LYST: variants seen among roughly 807,000 people sequenced by gnomAD.
The protein encoded by LYST is lysosomal trafficking regulator, also known as lysosomal-trafficking regulator.
Under a neutral mutation model 413.6 loss-of-function variants are expected in LYST, and 192 were observed. The observed-to-expected ratio is 0.46, with a 90% CI of 0.41 to 0.52. The LOEUF (loss-of-function observed/expected upper bound fraction) is 0.52. LYST is among the 20% of genes least tolerant of loss of function. The pLI is 0.00. For synonymous variants in LYST, 1,525 were observed against 1,567.3 expected (o/e 0.97, Z 0.64); for missense variants, 3,815 against 4,499.9 (o/e 0.85, Z 4.35).
At chr1:235,876,670 T>A (rs1367397831) in intron 1 of LYST, among the ~76,000 whole-genome samples, 1 of 152,192 alleles carries the variant, frequency 6.6e-6, no homozygotes, top group African/African-American at 2.4e-5. Context: ...GACATCCTGT[T>A]TGTTAGTAAA....
At position 235,677,503 on chromosome 1, in the gene LYST, GGTTCCGTC is replaced by G; in HGVS notation, c.10909_10916del (p.Asp3637LeufsTer29). 1 of 1,613,720 alleles carries G rather than the reference GGTTCCGTC, an allele frequency of 6.2e-7. No individual in the cohort carries two copies. The highest frequency in any genetic ancestry group is 8.5e-7 in the Non-Finnish European group (1 of 1,179,790). Reference sequence around the variant, plus strand: ...ACCTGTTTAAATCCCATATGATGCAGGTTCCGTCTCTGCTCACACTTATCAGTATACTG... The same window carrying G: ...ACCTGTTTAAATCCCATATGATGCAGTCTGCTCACACTTATCAGTATACTG... On this transcript the variant is annotated frameshift_variant, in exon 49 of 53. Transcript: ENST00000389793. LOFTEE classifies it high-confidence loss of function.
chr1:235,684,458 G>C (rs948981168), intron 48 of LYST, among the ~76,000 whole-genome samples: 16 of 152,200 alleles, frequency 1.1e-4, no homozygotes, highest in African/African-American at 3.6e-4. Context: ...TCGATTTGTA[G>C]GGGAAGTCAG....
intron 20 of LYST, among the ~76,000 whole-genome samples, chr1:235,769,659 TTAAC>T (rs942441599): frequency 5.9e-5 from 9 of 151,910 alleles, no homozygotes; most frequent in Non-Finnish European, 1.3e-4. Flanking sequence ...GAGAAAAAAA[TTAAC>T]TAAAAGGGCC....
At chr1:235,717,531 A>C (rs548974489) in intron 40 of LYST, among the ~76,000 whole-genome samples, 1 of 152,138 alleles carries the variant, frequency 6.6e-6, no homozygotes, top group Non-Finnish European at 1.5e-5. Flanking sequence ...TTGAAGGAGC[A>C]AAAGAAAAAG....
At chr1:235,673,462 T>C (rs944592244) in intron 50 of LYST, among the ~76,000 whole-genome samples, 2 of 152,128 alleles carry the variant, frequency 1.3e-5, no homozygotes, top group African/African-American at 4.8e-5. Context: ...ATGTTCTCAA[T>C]GGGCATATGT....
At chr1:235,840,291 G>C (rs1001174641) in intron 1 of LYST, 1 of 152,224 alleles carries the variant, frequency 6.6e-6, no homozygotes, top group African/African-American at 2.4e-5. Flanking sequence ...ACAGGTAAAG[G>C]GAGAAAAGAA....
intron 1 of LYST, among the ~76,000 whole-genome samples, chr1:235,861,600 C>T (rs946472121): frequency 6.6e-6 from 1 of 152,128 alleles, no homozygotes; most frequent in African/African-American, 2.4e-5. Flanking sequence ...TAGCTTATTT[C>T]CTGGTTCTTA....
At chr1:235,717,658 T>C (rs544441338) in intron 40 of LYST, among the ~76,000 whole-genome samples, 24 of 152,216 alleles carry the variant, frequency 1.6e-4, no homozygotes, top group African/African-American at 5.5e-4. Context: ...AAGATTTGCC[T>C]ACATTTCAGT....
rs1196370967 is a variant in LYST at position 235,809,521 on chromosome 1, C to G, written c.1297G>C (p.Val433Leu). The G allele has an allele frequency of 6.2e-7, 1 of 1,613,898 alleles. No homozygotes were observed. The highest frequency in any genetic ancestry group is 1.3e-5 in the African/African-American group (1 of 74,884). The stretch of plus-strand genomic sequence containing the variant: ...CCATGATGCTGAATGAATTCTTGAA[C>G]CAAATCCATGGCTTGACTGAAGTAG... ...PFYFSQAMDL[V>L]QEFIQHHGFN... Residue 433 changes from valine to leucine, a missense_variant, in exon 5 of 53, where the codon GTT (valine) becomes CTT (leucine). Transcript: ENST00000389793. This position sits in a 1 kb window ranked among gnomAD's most constrained non-coding sequence, Gnocchi z 4.0.
At chr1:235,876,198 G>C (rs1343791787) in intron 1 of LYST, among the ~76,000 whole-genome samples, 1 of 152,008 alleles carries the variant, frequency 6.6e-6, no homozygotes, top group Non-Finnish European at 1.5e-5. Context: ...CTCCATCCTG[G>C]GTGACAGAGT....
At position 235,810,124 on chromosome 1, in the gene LYST, C is replaced by T. The variant is rs1673306733; in HGVS notation, c.694G>A (p.Gly232Arg). 11 of 1,614,142 alleles carry T rather than the reference C, an allele frequency of 6.8e-6. No individual in the cohort carries two copies. Among genetic ancestry groups the T allele is most frequent in the Non-Finnish European group, 9.3e-6 (11 of 1,180,000 alleles). Reference protein sequence around the residue: ...ENSREIIPRQGSNTDILSEPA... With the variant: ...ENSREIIPRQRSNTDILSEPA... ...TCACTTAAAATGTCAGTGTTTGACC[C>T]CTGTCTTGGAATAATCTCTCTGGAA... Residue 232 changes from glycine (G) to arginine (R), a missense_variant, in exon 5 of 53, where the codon GGG (glycine) becomes AGG (arginine). Coordinates refer to ENST00000389793, the MANE Select transcript of LYST (RefSeq NM_000081.4).
chr1:235,787,539 A>G lies in LYST; in HGVS notation c.4689-166T>C, dbSNP rs115189647. Among the ~76,000 whole-genome samples the G allele has an allele frequency of 2.9e-3, 436 of 152,288 alleles. 2 individuals are homozygous for G. Among genetic ancestry groups the G allele is most frequent in the African/African-American group, 9.8e-3 (406 of 41,554 alleles). On this transcript the variant is annotated intron_variant, in intron 13 of 52. Coordinates refer to ENST00000389793, the MANE Select transcript of LYST (RefSeq NM_000081.4). ...AGGTCTTCGTTTTATACCATAAGTT[A>G]CTTAGTTATTCTATCATTACCTCAA...
chr1:235,802,771 T>TG, intron 8 of LYST, 137 bp downstream of exon 8: 1 of 768,686 alleles, frequency 1.3e-6, no homozygotes, highest in Non-Finnish European at 2.2e-6. Context: ...GTTGGGAAGA[T>TG]CAATAAAAAG....
In LYST at chr1:235,693,501, G is replaced by C. The variant is rs1660838867; in HGVS notation, c.10565-15C>G. The C allele has an allele frequency of 1.2e-6, 2 of 1,613,890 alleles. No individual in the cohort carries two copies. Among genetic ancestry groups the C allele is most frequent in the Non-Finnish European group, 1.7e-6 (2 of 1,179,974 alleles). ...GCTTCTCACACCTCAAGGAGAAGGA[G>C]AAAGAAAAGTATCAGATTGTCACTG... On this transcript the variant is annotated splice_polypyrimidine_tract_variant and intron_variant, in intron 46 of 52. Coordinates refer to ENST00000389793, the MANE Select transcript of LYST (RefSeq NM_000081.4).
intron 22 of LYST, among the ~76,000 whole-genome samples, 180 bp from the exon 23 acceptor site, chr1:235,759,779 G>A (rs551982037): frequency 1.3e-5 from 2 of 151,608 alleles, no homozygotes; most frequent in African/African-American, 4.8e-5. Flanking sequence ...TAAGAGACAG[G>A]GTCTTGCTCT....
At chr1:235,769,433 A>G (rs1411325597) in intron 20 of LYST, among the ~76,000 whole-genome samples, 1 of 152,046 alleles carries the variant, frequency 6.6e-6, no homozygotes, top group Non-Finnish European at 1.5e-5. Context: ...GCCCAACTAT[A>G]ATGAAAAGCC....
At chr1:235,748,546 G>A (rs1334274046) in intron 28 of LYST, among the ~76,000 whole-genome samples, 1 of 151,978 alleles carries the variant, frequency 6.6e-6, no homozygotes, top group African/African-American at 2.4e-5. Flanking sequence ...TAAACAGTAG[G>A]TAGAGCATGA....
chr1:235,830,368 T>C lies in LYST; in HGVS notation c.50A>G (p.Asn17Ser), dbSNP rs1177000208. 6.8e-6 allele frequency: 11 copies of C among 1,613,916 alleles called. No individual in the cohort carries two copies. The highest frequency in any genetic ancestry group is 9.3e-6 in the Non-Finnish European group (11 of 1,179,936). Reference sequence around the variant, plus strand: ...CTGGACCACTGCATTGCAAAGCCGGTTGACATCGGTCAGAAATTCACGTGC... The same window carrying C: ...CTGGACCACTGCATTGCAAAGCCGGCTGACATCGGTCAGAAATTCACGTGC... ...SLAREFLTDV[N>S]RLCNAVVQRV... Residue 17 changes from asparagine (N) to serine (S), a missense_variant, in exon 3 of 53, where the codon AAC (asparagine) becomes AGC (serine). This residue lies in a region of LYST where 1,648 missense variants were observed against 1,810.3 expected (regional missense o/e 0.91). Transcript: ENST00000389793.
chr1:235,681,158 C>T (rs1037694386), intron 48 of LYST, among the ~76,000 whole-genome samples: 1 of 152,018 alleles, frequency 6.6e-6, no homozygotes, highest in African/African-American at 2.4e-5. Flanking sequence ...AGGAGGATTC[C>T]CTGGAAGACG....
Sources: gnomAD v4.1 joint callset for allele counts (sites outside exome capture counted in the v4.1 genomes callset) on GRCh38, gnomAD v4.1.1 for gene constraint, gnomAD v4.1.1 regional missense constraint, Gnocchi (gnomAD v3.1) non-coding constraint, MANE v1.5 for transcripts, NCBI Gene and HGNC (gene_info 2026-07-23, HGNC 2026-07-21) for gene names.